OPCML: variants seen among roughly 807,000 people sequenced by gnomAD.
OPCML encodes opioid binding protein/cell adhesion molecule like.
In OPCML, 13 loss-of-function variants were observed where a neutral mutation model predicts 37.8. That is an observed-to-expected ratio of 0.34 (90% CI 0.22 to 0.55). OPCML has a LOEUF of 0.55. Among genes scored for constraint, OPCML ranks in the 20% least tolerant of loss-of-function variants. OPCML has a pLI of 0.91. For synonymous variants in OPCML, 176 were observed against 168.8 expected, an observed-to-expected ratio of 1.04 and a Z score of -0.33; for missense variants, 341 against 435.6, an observed-to-expected ratio of 0.78 and a Z score of 1.93.
chr11:133,230,730 G>C (rs879477228), intron 1 of OPCML, among the ~76,000 whole-genome samples: 1 of 152,206 alleles, frequency 6.6e-6, no homozygotes, highest in African/African-American at 2.4e-5. Flanking sequence ...AGCACCTCAG[G>C]GCCAGCTGGA....
chr11:133,006,384 T>C (rs907777019), intron 1 of OPCML: 84 of 943,128 alleles, frequency 8.9e-5, no homozygotes, highest in Non-Finnish European at 9.6e-5. Context: ...TTCTTGGCCA[T>C]GGGACAAAGA....
At chr11:133,442,595 A>G (rs1397165428) in intron 1 of OPCML, among the ~76,000 whole-genome samples, 1 of 152,204 alleles carries the variant, frequency 6.6e-6, no homozygotes, top group Non-Finnish European at 1.5e-5. Context: ...GCAATAAAAC[A>G]GCATTCAATC....
intron 1 of OPCML, among the ~76,000 whole-genome samples, chr11:133,077,593 T>C (rs542058967): frequency 5.9e-5 from 9 of 152,180 alleles, no homozygotes; most frequent in Non-Finnish European, 1.3e-4. Context: ...GGAAAAATGA[T>C]GACTGAGGAT....
At chr11:132,855,447 C>T (rs1378428966) in intron 2 of OPCML, among the ~76,000 whole-genome samples, 1 of 152,202 alleles carries the variant, frequency 6.6e-6, no homozygotes, top group African/African-American at 2.4e-5. Flanking sequence ...ATTAATTAAA[C>T]TCTTCATTTA....
chr11:132,709,833 G>A (rs114106614), intron 2 of OPCML, among the ~76,000 whole-genome samples: 75 of 152,296 alleles, frequency 4.9e-4, no homozygotes, highest in African/African-American at 1.7e-3. Context: ...GAGGGGATTC[G>A]CTAAGACCGT....
intron 3 of OPCML, among the ~76,000 whole-genome samples, chr11:132,590,029 T>A (rs1442700468): frequency 6.6e-6 from 1 of 152,124 alleles, no homozygotes; most frequent in Non-Finnish European, 1.5e-5. Flanking sequence ...GTGAGATTGG[T>A]GTGTTTCTAT....
intron 3 of OPCML, among the ~76,000 whole-genome samples, chr11:132,610,678 G>C (rs1938585895): frequency 6.6e-6 from 1 of 152,154 alleles, no homozygotes; most frequent in South Asian, 2.1e-4. Flanking sequence ...CATTATTTCT[G>C]AAGGAGACTC....
intron 1 of OPCML, among the ~76,000 whole-genome samples, chr11:132,990,572 A>G (rs1946756891): frequency 6.6e-6 from 1 of 152,340 alleles, no homozygotes; most frequent in African/African-American, 2.4e-5. Context: ...TTGGTCACCT[A>G]GAAATGAGAA....
chr11:133,264,614 C>T (rs973192453), intron 1 of OPCML, among the ~76,000 whole-genome samples: 41 of 152,088 alleles, frequency 2.7e-4, no homozygotes, highest in African/African-American at 7.2e-4. Context: ...CTGGTGTCAA[C>T]GAGAAATCAG....
intron 1 of OPCML, among the ~76,000 whole-genome samples, chr11:133,089,826 A>G (rs781406005): frequency 6.6e-6 from 1 of 152,040 alleles, no homozygotes; most frequent in Non-Finnish European, 1.5e-5. Flanking sequence ...ATTGAAGCAG[A>G]GGAATTACAC....
chr11:132,445,061 G>A (rs1225390352), intron 4 of OPCML, among the ~76,000 whole-genome samples: 1 of 152,220 alleles, frequency 6.6e-6, no homozygotes, highest in African/African-American at 2.4e-5. Context: ...CTCAGGCTGT[G>A]GCCACCAGGA....
intron 1 of OPCML, among the ~76,000 whole-genome samples, chr11:133,209,159 T>C (rs1939245962): frequency 6.6e-6 from 1 of 152,204 alleles, no homozygotes; most frequent in African/African-American, 2.4e-5. Context: ...ATTATTGGTG[T>C]AATTATTTGT....
At chr11:133,321,066 A>G (rs985416214) in intron 1 of OPCML, among the ~76,000 whole-genome samples, 3 of 152,178 alleles carry the variant, frequency 2.0e-5, no homozygotes, top group Non-Finnish European at 2.9e-5. Context: ...ATGTACGGAT[A>G]GGGCATGTAT....
chr11:133,264,521 C>G (rs926288249), intron 1 of OPCML, among the ~76,000 whole-genome samples: 1 of 152,206 alleles, frequency 6.6e-6, no homozygotes, highest in African/African-American at 2.4e-5. Context: ...GGGCCCTTCT[C>G]TAGGTCCTTG....
At chr11:132,699,382 C>T (rs551863685) in intron 2 of OPCML, among the ~76,000 whole-genome samples, 26 of 152,148 alleles carry the variant, frequency 1.7e-4, no homozygotes, top group Non-Finnish European at 2.9e-4. Flanking sequence ...ACTTTCAACA[C>T]TTTGTTAGAT....
intron 1 of OPCML, chr11:133,006,830 C>T: frequency 2.0e-6 from 2 of 985,432 alleles, no homozygotes; most frequent in South Asian, 9.4e-5. Context: ...ACCAGGGTAA[C>T]TGGGCATGAA....
At chr11:133,107,734 G>A (rs1376866726) in intron 1 of OPCML, among the ~76,000 whole-genome samples, 1 of 152,148 alleles carries the variant, frequency 6.6e-6, no homozygotes, top group Non-Finnish European at 1.5e-5. Context: ...GCCTTGAAGT[G>A]CTTTCATGAA....
chr11:132,978,654 G>A (rs1946516616), intron 1 of OPCML, among the ~76,000 whole-genome samples: 1 of 152,164 alleles, frequency 6.6e-6, no homozygotes, highest in African/African-American at 2.4e-5. Context: ...CAGGGTGAGG[G>A]AACAGGGGTC....
chr11:133,008,889 C>G (rs1031141493), intron 1 of OPCML: 3 of 985,396 alleles, frequency 3.0e-6, no homozygotes, highest in South Asian at 9.4e-5. Context: ...TATATCTGGT[C>G]ATATGAGTGA....
Sources: gnomAD v4.1 joint callset for allele counts (sites outside exome capture counted in the v4.1 genomes callset) on GRCh38, gnomAD v4.1.1 for gene constraint, MANE v1.5 for transcripts, NCBI Gene and HGNC (gene_info 2026-07-23, HGNC 2026-07-21) for gene names.